The following SYT9 variants were observed in gnomAD, a reference collection of about 807,000 sequenced individuals.
SYT9 encodes synaptotagmin-9.
In SYT9, 22 loss-of-function variants were observed where a neutral mutation model predicts 48.4. That is an observed-to-expected ratio of 0.45 (90% confidence interval 0.32 to 0.65). SYT9 has a LOEUF of 0.65. Ranked by LOEUF, SYT9 falls within the 30% of genes least tolerant of loss-of-function variation. The pLI is 0.03. For missense variants in SYT9, 577 were observed against 622.0 expected (o/e 0.93, Z 0.77); for synonymous variants, 265 against 245.0 (o/e 1.08, Z -0.76).
chr11:7,363,346 G>T (rs1850182304), intron 3 of SYT9, among the ~76,000 whole-genome samples: 1 of 152,096 alleles, frequency 6.6e-6, no homozygotes, highest in South Asian at 2.1e-4. Flanking sequence ...AAAATGATGT[G>T]CTCAGCTTTC....
chr11:7,419,963 T>A (rs11041370), intron 5 of SYT9, among the ~76,000 whole-genome samples: 32,704 of 152,168 alleles, frequency 0.21, 4,380 homozygotes, highest in Middle Eastern at 0.29. Flanking sequence ...GGAAACTAAC[T>A]GGGCCAAAGA....
At chr11:7,426,037 G>A (rs1045946795) in intron 6 of SYT9, among the ~76,000 whole-genome samples, 1 of 152,194 alleles carries the variant, frequency 6.6e-6, no homozygotes, top group African/African-American at 2.4e-5. Context: ...ACAGGAAGAG[G>A]TAAATGAACT....
At chr11:7,406,677 A>G (rs778613107) in intron 3 of SYT9, among the ~76,000 whole-genome samples, 1 of 151,816 alleles carries the variant, frequency 6.6e-6, no homozygotes, top group South Asian at 2.1e-4. Context: ...TATCCCTCTG[A>G]TACACGGATT....
In SYT9 at chr11:7,420,642, C is replaced by T. The variant is rs1204232868; in HGVS notation, c.1467+7C>T. On this transcript the variant is annotated splice_region_variant and intron_variant, in intron 6 of 6. Transcript: ENST00000318881. ...CTGGCATTCCCTGGTGGAGGTAAGA[C>T]CCTAATCCACATGCTCCACTTTGCA... 6 of 1,614,042 alleles carry T rather than the reference C, an allele frequency of 3.7e-6. No homozygotes were observed. Among genetic ancestry groups the T allele is most frequent in the Non-Finnish European group, 5.1e-6 (6 of 1,179,962 alleles).
chr11:7,317,448 A>G (rs117064949), intron 3 of SYT9, among the ~76,000 whole-genome samples: 106 of 152,212 alleles, frequency 7.0e-4, no homozygotes, highest in Non-Finnish European at 1.4e-3. Flanking sequence ...TTCCTGGCTC[A>G]CCTTCTCACT....
In SYT9 at chr11:7,406,166, T is replaced by C. The variant is rs1847004312; in HGVS notation, c.1045-9876T>C. Among the ~76,000 whole-genome samples the C allele has an allele frequency of 2.6e-5, 4 of 152,198 alleles. No individual in the cohort carries two copies. In the South Asian group the frequency reaches 8.3e-4, roughly 32 times the overall value. ...TTGAGTATTTATCATTCCTATGTGT[T>C]GGTAACATTTCAAGTCCTCTCTTCT... is the stretch of plus-strand genomic sequence containing the variant. On this transcript the variant is annotated intron_variant, in intron 3 of 6. Coordinates refer to ENST00000318881, the MANE Select transcript of SYT9 (RefSeq NM_175733.4).
rs565958391 is a variant in SYT9 at position 7,277,839 on chromosome 11, G to C, written c.146-25200G>C. ...ATCACAGTGGCATGCATAGATTGCT[G>C]AGAAAGGCACAGTGCTAATGATGCT... On this transcript the variant is annotated intron_variant, in intron 1 of 6. Transcript: ENST00000318881. 7.9e-5 allele frequency among the ~76,000 whole-genome samples: 12 copies of C among 152,318 alleles called. No homozygotes were observed. In the South Asian group the frequency reaches 2.5e-3, roughly 32 times the overall value.
chr11:7,383,976 A>C (rs545321352), intron 3 of SYT9, among the ~76,000 whole-genome samples: 3 of 152,074 alleles, frequency 2.0e-5, no homozygotes, highest in African/African-American at 7.2e-5. Flanking sequence ...TTTTATATAA[A>C]ATGTTAGATT....
rs1383758532 is a variant in SYT9 at position 7,400,515 on chromosome 11, G to A, written c.1045-15527G>A. Reference sequence around the variant, plus strand: ...CAAACAGTTCTGAAACAAGGTGATTGTAATAATAATGACATTGAAGATAAT... The same window carrying A: ...CAAACAGTTCTGAAACAAGGTGATTATAATAATAATGACATTGAAGATAAT... On this transcript the variant is annotated intron_variant, in intron 3 of 6. Transcript: ENST00000318881. Among the ~76,000 whole-genome samples the A allele has an allele frequency of 1.3e-5, 2 of 152,144 alleles. 1 individual carries two copies. Among genetic ancestry groups the A allele is most frequent in the Non-Finnish European group, 2.9e-5 (2 of 68,014 alleles).
chr11:7,290,287 A>G (rs1379907249), intron 1 of SYT9, among the ~76,000 whole-genome samples: 2 of 152,356 alleles, frequency 1.3e-5, no homozygotes, highest in African/African-American at 2.4e-5. Flanking sequence ...ACTATTTGGA[A>G]CTATCATCAG....
chr11:7,376,306 C>A (rs1468119411), intron 3 of SYT9, among the ~76,000 whole-genome samples: 1 of 141,932 alleles, frequency 7.0e-6, no homozygotes, highest in Admixed American at 7.0e-5. Context: ...TTATCTCTTC[C>A]TTTCTCTCTC....
rs1458036771 is a variant in SYT9, at chr11:7,430,841, A to G, written c.1467+10206A>G. Reference sequence around the variant, plus strand: ...CACCAGAAACCAAGCAGATGTCAGTACCATGCTTTTGGTACAGCCTGAAGA... The same window carrying G: ...CACCAGAAACCAAGCAGATGTCAGTGCCATGCTTTTGGTACAGCCTGAAGA... On this transcript the variant is annotated intron_variant, in intron 6 of 6. Coordinates refer to ENST00000318881, the MANE Select transcript of SYT9 (RefSeq NM_175733.4). Among the ~76,000 whole-genome samples the G allele has an allele frequency of 2.6e-5, 4 of 152,322 alleles. No homozygotes were observed. In the East Asian group the frequency reaches 7.7e-4, roughly 29 times the overall value.
At chr11:7,369,519 T>C (rs1850316832) in intron 3 of SYT9, among the ~76,000 whole-genome samples, 1 of 152,156 alleles carries the variant, frequency 6.6e-6, no homozygotes, top group Non-Finnish European at 1.5e-5. Context: ...TTTGTTACAA[T>C]TGCTTTTGGT....
chr11:7,421,684 T>C (rs927961298), intron 6 of SYT9, among the ~76,000 whole-genome samples: 8 of 152,212 alleles, frequency 5.3e-5, no homozygotes, highest in Non-Finnish European at 7.3e-5. Context: ...TAACTTGTTC[T>C]CTCAAAAATA....
chr11:7,407,544 C>A (rs1403991137), intron 3 of SYT9, among the ~76,000 whole-genome samples: 1 of 99,812 alleles, frequency 1.0e-5, no homozygotes, highest in Non-Finnish European at 1.9e-5. Flanking sequence ...CCGCGCCCGG[C>A]TAATTTTTTG....
chr11:7,450,720 ATGAATC>A (rs1848031525), intron 6 of SYT9, among the ~76,000 whole-genome samples: 1 of 152,202 alleles, frequency 6.6e-6, no homozygotes, highest in African/African-American at 2.4e-5. Flanking sequence ...TATCATCAAG[ATGAATC>A]TCACAACCTA....
intron 1 of SYT9, among the ~76,000 whole-genome samples, chr11:7,278,315 A>G (rs1346832951): frequency 2.0e-5 from 3 of 152,188 alleles, no homozygotes; most frequent in Non-Finnish European, 4.4e-5. Flanking sequence ...ATATCATCCA[A>G]TCACCTCTTT....
At chr11:7,299,205 A>G (rs1201297731) in intron 1 of SYT9, among the ~76,000 whole-genome samples, 1 of 152,238 alleles carries the variant, frequency 6.6e-6, no homozygotes, top group Non-Finnish European at 1.5e-5. Flanking sequence ...AAGAAATAAC[A>G]TCTTGTGATT....
intron 1 of SYT9, among the ~76,000 whole-genome samples, chr11:7,255,639 T>C (rs1286330734): frequency 6.6e-6 from 1 of 152,084 alleles, no homozygotes; most frequent in Non-Finnish European, 1.5e-5. Context: ...AAGGAAGAGA[T>C]GTGAAAGGTG....
Sources: gnomAD v4.1 joint callset for allele counts (sites outside exome capture counted in the v4.1 genomes callset) on GRCh38, gnomAD v4.1.1 for gene constraint, MANE v1.5 for transcripts, NCBI Gene and HGNC (gene_info 2026-07-23, HGNC 2026-07-21) for gene names.